Variants in PDILT observed in about 807,000 individuals in gnomAD.
PDILT encodes protein disulfide-isomerase-like protein of the testis.
Under a neutral mutation model 53.7 loss-of-function variants are expected in PDILT, and 43 were observed. The observed-to-expected ratio is 0.80, with a 90% confidence interval of 0.63 to 1.03. The LOEUF is 1.03. PDILT is among the 50% of genes least tolerant of loss of function. The probability of loss-of-function intolerance (pLI) is 0.00; values close to 1 mark genes in which losing one functional copy is unlikely to be tolerated. For synonymous variants in PDILT, 282 were observed against 274.2 expected (o/e 1.03, Z -0.28); for missense variants, 727 against 712.3 (o/e 1.02, Z -0.24).
At chr16:20,398,856 CAG>C (rs1490107066) in intron 2 of PDILT, among the ~76,000 whole-genome samples, 1 of 152,158 alleles carries the variant, frequency 6.6e-6, no homozygotes, top group African/African-American at 2.4e-5. Flanking sequence ...TTCAGTGGGA[CAG>C]AGGAGCCACA....
chr16:20,368,783 A>T (rs1966257140), intron 8 of PDILT, among the ~76,000 whole-genome samples: 1 of 151,980 alleles, frequency 6.6e-6, no homozygotes, highest in East Asian at 1.9e-4. Flanking sequence ...TTTTGTCAAG[A>T]TGTGATCTTG....
chr16:20,386,654 C>G (rs139228650), intron 2 of PDILT, among the ~76,000 whole-genome samples: 5 of 152,238 alleles, frequency 3.3e-5, no homozygotes, highest in Admixed American at 1.3e-4. Context: ...TTGTGCCTCC[C>G]TCCTGGATCG....
At chr16:20,361,174 A>C (rs1005649558) in intron 10 of PDILT, among the ~76,000 whole-genome samples, 2 of 148,086 alleles carry the variant, frequency 1.4e-5, no homozygotes, top group African/African-American at 5.0e-5. Context: ...CTCCATTATC[A>C]CAAGTTCCCT....
In PDILT at chr16:20,374,961, T is replaced by TCTAA; in HGVS notation, c.544-3_544-2insTTAG. On this transcript the variant is annotated splice_polypyrimidine_tract_variant and splice_region_variant and intron_variant, in intron 4 of 11. Coordinates refer to ENST00000302451, the MANE Select transcript of PDILT (RefSeq NM_174924.2). ...CTCTGCTACTTCTTCCTCTAAATCCTATTTGGGAAAGGATGTTTGGAAAGG... is the reference window on the plus strand; with the variant it reads ...CTCTGCTACTTCTTCCTCTAAATCCTCTAAATTTGGGAAAGGATGTTTGGAAAGG... 1.2e-6 allele frequency: 2 copies of TCTAA among 1,601,548 alleles called. No individual in the cohort carries two copies. The highest frequency in any genetic ancestry group is 1.7e-6 in the Non-Finnish European group (2 of 1,172,408).
chr16:20,383,943 A>G (rs1017468259), intron 3 of PDILT, among the ~76,000 whole-genome samples: 1 of 152,370 alleles, frequency 6.6e-6, no homozygotes, highest in South Asian at 2.1e-4. Context: ...GGCTTGGCAC[A>G]TGGTAGCTTG....
chr16:20,369,132 A>G (rs1021093952), intron 8 of PDILT, among the ~76,000 whole-genome samples: 2 of 152,124 alleles, frequency 1.3e-5, no homozygotes, highest in Admixed American at 6.5e-5. Flanking sequence ...CTCCTCCTCA[A>G]AGCAAGCATC....
At chr16:20,380,903 C>T (rs910746748) in intron 3 of PDILT, among the ~76,000 whole-genome samples, 16 of 152,210 alleles carry the variant, frequency 1.1e-4, no homozygotes, top group Admixed American at 7.2e-4. Flanking sequence ...TAGTTATGAA[C>T]TCTGCAAATT....
chr16:20,360,573 C>T lies in PDILT; in HGVS notation c.1501G>A (p.Asp501Asn), dbSNP rs773034409. Residue 501 changes from aspartate to asparagine, a missense_variant, in exon 11 of 12, where the codon GAT (aspartate) becomes AAT (asparagine). Coordinates refer to ENST00000302451, the MANE Select transcript of PDILT (RefSeq NM_174924.2). ...GTATTTCTGTTGCCCCTTACCTCAT[C>T]CTCATCCTCAATCTTAGTTTTGATG... Reference protein sequence around the residue: ...SHIKTKIEDEDELLSVEQNEV... With the variant: ...SHIKTKIEDENELLSVEQNEV... 3.7e-6 allele frequency: 6 copies of T among 1,613,086 alleles called. No homozygotes were observed. Among genetic ancestry groups the T allele is most frequent in the Non-Finnish European group, 5.1e-6 (6 of 1,179,046 alleles).
chr16:20,375,662 A>G (rs1335605791), intron 4 of PDILT, among the ~76,000 whole-genome samples: 1 of 152,196 alleles, frequency 6.6e-6, no homozygotes, highest in East Asian at 1.9e-4. Context: ...GTATTTTCGA[A>G]TGAGTGCATG....
intron 9 of PDILT, among the ~76,000 whole-genome samples, chr16:20,364,863 G>A (rs1966167324): frequency 6.6e-6 from 1 of 152,164 alleles, no homozygotes; most frequent in Admixed American, 6.5e-5. Context: ...CACCTCCTAT[G>A]GGCCATTTGA....
intron 3 of PDILT, 112 bp from the exon 4 acceptor site, chr16:20,376,313 C>A (rs531096340): frequency 3.0e-6 from 4 of 1,334,660 alleles, no homozygotes; most frequent in African/African-American, 1.5e-5. Context: ...CAGGCTCCCA[C>A]CCCTTGAAGG....
intron 3 of PDILT, among the ~76,000 whole-genome samples, chr16:20,383,780 C>T (rs1451948904): frequency 6.6e-6 from 1 of 152,174 alleles, no homozygotes; most frequent in Non-Finnish European, 1.5e-5. Flanking sequence ...ACAGGCACTT[C>T]TGTGTTCATC....
At chr16:20,381,531 G>A (rs1458195138) in intron 3 of PDILT, among the ~76,000 whole-genome samples, 1 of 151,398 alleles carries the variant, frequency 6.6e-6, no homozygotes, top group Non-Finnish European at 1.5e-5. Context: ...AGCTACTCGG[G>A]AGGCTAATGC....
chr16:20,360,710 C>T, intron 10 of PDILT, 53 bp from the exon 11 acceptor site: 6 of 1,354,504 alleles, frequency 4.4e-6, no homozygotes, highest in Non-Finnish European at 6.3e-6. Flanking sequence ...CGCAGAGATG[C>T]TCGAGGATTG....
intron 9 of PDILT, among the ~76,000 whole-genome samples, chr16:20,363,137 G>A (rs986181392): frequency 2.0e-5 from 3 of 149,282 alleles, no homozygotes; most frequent in African/African-American, 4.9e-5. Context: ...GAAAAAAATA[G>A]CTTAGCCCTC....
At chr16:20,372,141 A>G (rs1055221094) in intron 7 of PDILT, among the ~76,000 whole-genome samples, 36 of 152,288 alleles carry the variant, frequency 2.4e-4, no homozygotes, top group Admixed American at 1.2e-3. Context: ...GCTTAGGGGA[A>G]ACCTTTGTTT....
In PDILT at chr16:20,373,054, T is replaced by A. The variant is rs372096210; in HGVS notation, c.750A>T (p.Ile250=). 6.2e-7 allele frequency: 1 copy of A among 1,614,184 alleles called. No individual in the cohort carries two copies. The highest frequency in any genetic ancestry group is 8.5e-7 in the Non-Finnish European group (1 of 1,180,004). The change falls in exon 6 of 12, where the codon ATA becomes ATT. Residue 250 remains isoleucine, a synonymous_variant. Transcript: ENST00000302451. The stretch of plus-strand genomic sequence containing the variant: ...TCACAAAATCTGTAAGGTGCTGTTT[T>A]ATGACACGATTGAGTTCCTGTTTGT... ...STNKQELNRV[I]KQHLTDFVIE... is the part of the protein sequence containing the mutation.
intron 2 of PDILT, among the ~76,000 whole-genome samples, chr16:20,398,497 G>T (rs983016667): frequency 4.6e-5 from 7 of 152,166 alleles, no homozygotes; most frequent in Admixed American, 2.0e-4. Flanking sequence ...TGGGTGTGGT[G>T]GCGGGTACCT....
At chr16:20,388,883 G>A (rs1046095069) in intron 2 of PDILT, 11 of 151,606 alleles carry the variant, frequency 7.3e-5, no homozygotes, top group African/African-American at 2.4e-4. Flanking sequence ...TTGTATTTCA[G>A]CCTGGGCAAC....
Sources: gnomAD v4.1 joint callset for allele counts (sites outside exome capture counted in the v4.1 genomes callset) on GRCh38, gnomAD v4.1.1 for gene constraint, MANE v1.5 for transcripts, NCBI Gene and HGNC (gene_info 2026-07-23, HGNC 2026-07-21) for gene names.